VCL: variants seen among roughly 807,000 people sequenced by gnomAD.
The protein encoded by VCL is vinculin.
In VCL, 47 loss-of-function variants were observed where a neutral mutation model predicts 125.7. The observed-to-expected ratio is 0.37, with a 90% CI of 0.30 to 0.48. The LOEUF is 0.48. Among genes scored for constraint, VCL ranks in the 20% least tolerant of loss-of-function variants. The pLI is 0.99. For missense variants in VCL, 1,069 were observed against 1,455.5 expected (o/e 0.73, Z 4.32); for synonymous variants, 458 against 514.6 (o/e 0.89, Z 1.49).
intron 1 of VCL, among the ~76,000 whole-genome samples, chr10:74,027,367 A>C (rs1840791765): frequency 6.6e-6 from 1 of 150,542 alleles, no homozygotes; most frequent in African/African-American, 2.4e-5. Context: ...ACCCTCATAT[A>C]GTCATAGAGT....
intron 1 of VCL, among the ~76,000 whole-genome samples, chr10:74,001,614 G>C (rs1472756789): frequency 1.3e-5 from 2 of 152,196 alleles, no homozygotes; most frequent in African/African-American, 4.8e-5. Context: ...GCCTGGACTT[G>C]CGAGTGGCAG....
At chr10:74,030,317 C>A (rs1840851629) in intron 1 of VCL, among the ~76,000 whole-genome samples, 1 of 152,156 alleles carries the variant, frequency 6.6e-6, no homozygotes, top group Admixed American at 6.5e-5. Flanking sequence ...AAGTCTGTTT[C>A]TTTTTAATGT....
chr10:74,109,253 CCT>C, intron 18 of VCL, 97 bp downstream of exon 18: 29 of 1,458,064 alleles, frequency 2.0e-5, no homozygotes, highest in East Asian at 2.4e-5. Flanking sequence ...TTGGAGTCAC[CCT>C]CTCTCTCTCC....
At chr10:74,104,113 T>C (rs1453079216) in intron 15 of VCL, among the ~76,000 whole-genome samples, 185 bp downstream of exon 15, 1 of 152,200 alleles carries the variant, frequency 6.6e-6, no homozygotes, top group Admixed American at 6.5e-5. Flanking sequence ...CTTGCAACTT[T>C]GTCAGAAGAG....
chr10:74,089,874 A>T lies in VCL; in HGVS notation c.1177-149A>T, dbSNP rs985757886. On this transcript the variant is annotated intron_variant, in intron 9 of 21. Transcript: ENST00000211998. Reference sequence around the variant, plus strand: ...AGATGAGAGATTGAGTTTCTTATCTAAGAACCTCCATACAATAATAAAGAT... The same window carrying T: ...AGATGAGAGATTGAGTTTCTTATCTTAGAACCTCCATACAATAATAAAGAT... The T allele has an allele frequency of 5.6e-6, 5 of 893,748 alleles. No homozygotes were observed. In the African/African-American group the frequency reaches 6.7e-5, roughly 12 times the overall value. 55.4% of individuals were successfully genotyped at this position (893,748 alleles called of 1,614,324 possible). A position where few individuals can be genotyped will look rare whatever the true frequency, so the allele number is the denominator to read the frequency against.
downstream of VCL, chr10:74,120,452 GCTAT>G (rs765541839): frequency 4.6e-5 from 7 of 152,320 alleles, no homozygotes; most frequent in African/African-American, 1.7e-4. Context: ...GAAGATTCTA[GCTAT>G]CTGTGGAGAC....
intron 6 of VCL, among the ~76,000 whole-genome samples, chr10:74,078,364 G>A (rs1443628405): frequency 6.6e-6 from 1 of 152,146 alleles, no homozygotes; most frequent in African/African-American, 2.4e-5. Flanking sequence ...ACTTGTGAGT[G>A]TGTAATACTA....
In VCL at chr10:74,083,501, A is replaced by C; in HGVS notation, c.1010A>C (p.Asp337Ala). 1 of 1,613,888 alleles carries C rather than the reference A, an allele frequency of 6.2e-7. No homozygotes were observed. The highest frequency in any genetic ancestry group is 8.5e-7 in the Non-Finnish European group (1 of 1,179,906). ...MLGQMTDQVA[D>A]LRARGQGSSP... ...GGGCAGATGACTGATCAAGTGGCTG[A>C]CCTCCGTGCCAGGTAAAAGTTCCTC... The change falls in exon 8 of 22, where the codon GAC becomes GCC. Residue 337 changes from aspartate to alanine, a missense_variant. Around this residue, in one of 6 missense-constraint regions of VCL, gnomAD observed 760 missense variants for 928.9 expected, o/e 0.82. Transcript: ENST00000211998.
At chr10:74,049,500 T>C (rs1272972368) in intron 2 of VCL, among the ~76,000 whole-genome samples, 1 of 152,118 alleles carries the variant, frequency 6.6e-6, no homozygotes, top group African/African-American at 2.4e-5. Flanking sequence ...TCTCTCATTA[T>C]AAGTAGGAAT....
chr10:74,089,153 T>C, intron 8 of VCL, 43 bp from the exon 9 acceptor site: 1 of 1,612,922 alleles, frequency 6.2e-7, no homozygotes, highest in Non-Finnish European at 8.5e-7. Flanking sequence ...TGTCATTAAG[T>C]ATTTGAGGGT....
rs1170584088 is a variant in VCL at position 74,084,681 on chromosome 10, C to T, written c.1022+1168C>T. On this transcript the variant is annotated intron_variant, in intron 8 of 21. Transcript: ENST00000211998. ...AGGCTGGAGTGCAATGGCGCGATCT[C>T]GGCTCACTGCAACCTTCGCCTCCTG... Among the ~76,000 whole-genome samples, 4 of 151,968 alleles carry T rather than the reference C, an allele frequency of 2.6e-5. No homozygotes were observed. The East Asian group carries it at 7.7e-4, about 29-fold the overall frequency.
At chr10:74,066,578 TAAC>T (rs1841574744) in intron 2 of VCL, among the ~76,000 whole-genome samples, 1 of 151,864 alleles carries the variant, frequency 6.6e-6, no homozygotes, top group Non-Finnish European at 1.5e-5. Flanking sequence ...AGAAAATAAT[TAAC>T]AACATTCAGA....
chr10:74,040,247 G>A (rs1334681609), intron 1 of VCL, among the ~76,000 whole-genome samples: 1 of 152,114 alleles, frequency 6.6e-6, no homozygotes, highest in Non-Finnish European at 1.5e-5. Context: ...TGTAAGTTCC[G>A]TGAAGGCAGG....
intron 1 of VCL, among the ~76,000 whole-genome samples, chr10:74,022,202 T>TG (rs1840682727): frequency 6.6e-6 from 1 of 151,832 alleles, no homozygotes; most frequent in South Asian, 2.1e-4. Context: ...AAAAATATTT[T>TG]GGGAAAAAAA....
At chr10:74,038,641 T>C (rs2136245692) in intron 1 of VCL, among the ~76,000 whole-genome samples, 1 of 152,350 alleles carries the variant, frequency 6.6e-6, no homozygotes, top group Non-Finnish European at 1.5e-5. Context: ...ATAAATGCCC[T>C]TGAATATATT....
At chr10:74,013,272 A>C (rs1309737809) in intron 1 of VCL, among the ~76,000 whole-genome samples, 1 of 152,210 alleles carries the variant, frequency 6.6e-6, no homozygotes, top group African/African-American at 2.4e-5. Flanking sequence ...TGCTTAACAC[A>C]GGGCATTGCA....
chr10:74,095,621 GTCTTGTAAGTT>G, intron 11 of VCL, 24 bp from the exon 12 acceptor site: 1 of 1,612,532 alleles, frequency 6.2e-7, no homozygotes, highest in Non-Finnish European at 8.5e-7. Context: ...TCTCCTCTGG[GTCTTGTAAGTT>G]TCATTGTTTT....
At chr10:74,095,187 A>C (rs373586163) in intron 11 of VCL, among the ~76,000 whole-genome samples, 2 of 152,252 alleles carry the variant, frequency 1.3e-5, no homozygotes, top group East Asian at 3.8e-4. Flanking sequence ...ATACAGCATA[A>C]ATGTTTAATA....
At chr10:74,009,215 TTCCCC>T (rs1840373472) in intron 1 of VCL, among the ~76,000 whole-genome samples, 1 of 74,934 alleles carries the variant, frequency 1.3e-5, no homozygotes, top group Non-Finnish European at 2.7e-5. Flanking sequence ...GGCTGCTGCT[TTCCCC>T]CCCCCCCCCC....
Sources: gnomAD v4.1 joint callset for allele counts (sites outside exome capture counted in the v4.1 genomes callset) on GRCh38, gnomAD v4.1.1 for gene constraint, gnomAD v4.1.1 regional missense constraint, MANE v1.5 for transcripts, NCBI Gene and HGNC (gene_info 2026-07-23, HGNC 2026-07-21) for gene names.